Variants in EXT1 observed in about 807,000 individuals in gnomAD.
The protein encoded by EXT1 is exostosin-1.
EXT1 carries 20 observed loss-of-function variants against 82.5 expected under a neutral mutation model. The observed-to-expected ratio is 0.24, with a 90% CI of 0.17 to 0.35. EXT1 has a LOEUF of 0.35. Among genes scored for constraint, EXT1 ranks in the 10% least tolerant of loss-of-function variants. EXT1 has a pLI of 1.00. For synonymous variants in EXT1, 348 were observed against 350.8 expected, an observed-to-expected ratio of 0.99 and a Z score of 0.09; for missense variants, 757 against 936.5, an observed-to-expected ratio of 0.81 and a Z score of 2.50.
At chr8:117,926,101 A>G (rs1586288864) in intron 1 of EXT1, among the ~76,000 whole-genome samples, 1 of 152,220 alleles carries the variant, frequency 6.6e-6, no homozygotes, top group Non-Finnish European at 1.5e-5. Flanking sequence ...AGCCGCTAGC[A>G]TGGTGATGTG....
chr8:118,099,334 CT>C (rs1356136369), intron 1 of EXT1, among the ~76,000 whole-genome samples: 2 of 152,174 alleles, frequency 1.3e-5, no homozygotes, highest in Non-Finnish European at 2.9e-5. Context: ...ACCAGCTGTC[CT>C]TTCTTCCCAG....
chr8:117,878,685 G>C (rs116949074), intron 1 of EXT1, among the ~76,000 whole-genome samples: 23 of 152,332 alleles, frequency 1.5e-4, no homozygotes, highest in African/African-American at 5.5e-4. Flanking sequence ...AGAATATCCA[G>C]TGCTGTAAAT....
At chr8:117,887,814 G>A (rs1042592798) in intron 1 of EXT1, among the ~76,000 whole-genome samples, 1 of 151,112 alleles carries the variant, frequency 6.6e-6, no homozygotes, top group African/African-American at 2.4e-5. Context: ...GGCCTGGCAC[G>A]GTGACTCACG....
At chr8:118,045,485 C>A (rs17505534) in intron 1 of EXT1, among the ~76,000 whole-genome samples, 1 of 152,148 alleles carries the variant, frequency 6.6e-6, no homozygotes, top group Non-Finnish European at 1.5e-5. Context: ...CCCAAATGTG[C>A]AATCTGGGGC....
intron 1 of EXT1, among the ~76,000 whole-genome samples, chr8:117,884,561 T>C (rs1174111281): frequency 6.6e-6 from 1 of 152,142 alleles, no homozygotes; most frequent in Non-Finnish European, 1.5e-5. Flanking sequence ...ATCAAACACA[T>C]CCTGCTTCAA....
chr8:117,836,942 C>A (rs1183864437), intron 2 of EXT1, among the ~76,000 whole-genome samples, 166 bp downstream of exon 2: 1 of 152,170 alleles, frequency 6.6e-6, no homozygotes, highest in Non-Finnish European at 1.5e-5. Flanking sequence ...CCTCCCTCCA[C>A]CCCTCACTTG....
chr8:118,078,289 C>T (rs1221203102), intron 1 of EXT1, among the ~76,000 whole-genome samples: 2 of 152,242 alleles, frequency 1.3e-5, no homozygotes, highest in Non-Finnish European at 2.9e-5. Flanking sequence ...ACCTCCACCT[C>T]CTAGGTTCAA....
intron 1 of EXT1, among the ~76,000 whole-genome samples, chr8:117,886,689 A>C (rs749250263): frequency 2.0e-5 from 3 of 152,200 alleles, no homozygotes; most frequent in Non-Finnish European, 4.4e-5. Context: ...AATCCTGCAG[A>C]AACTCCTAGA....
intron 1 of EXT1, among the ~76,000 whole-genome samples, chr8:117,966,540 T>C (rs944100727): frequency 6.6e-6 from 1 of 152,196 alleles, no homozygotes; most frequent in Non-Finnish European, 1.5e-5. Flanking sequence ...GGTGTCAACT[T>C]TGGGGTTTCT....
chr8:117,917,242 G>C (rs1813769647), intron 1 of EXT1, among the ~76,000 whole-genome samples: 1 of 152,164 alleles, frequency 6.6e-6, no homozygotes, highest in Non-Finnish European at 1.5e-5. Context: ...GGGAGGCCGA[G>C]GCGGGCGGAT....
chr8:118,111,289 G>A lies in EXT1; in HGVS notation c.-243C>T. The A allele has an allele frequency of 9.5e-6, 6 of 629,398 alleles. No individual in the cohort carries two copies. The highest frequency in any genetic ancestry group is 1.7e-5 in the Non-Finnish European group (6 of 359,980). 39.0% of individuals were successfully genotyped at this position (629,398 alleles called of 1,614,324 possible). ...TGCACAATGCACGGGAGAGAGCGGG[G>A]CTGAATATCTCGCACCCAGGGCGGG... On this transcript the variant is annotated 5_prime_UTR_variant, in exon 1 of 11. Coordinates refer to ENST00000378204, the MANE Select transcript of EXT1 (RefSeq NM_000127.3).
At chr8:117,947,450 AG>A (rs1814411344) in intron 1 of EXT1, among the ~76,000 whole-genome samples, 1 of 152,206 alleles carries the variant, frequency 6.6e-6, no homozygotes, top group African/African-American at 2.4e-5. Context: ...TTATCGCTTA[AG>A]TGCTGGCACC....
chr8:117,980,251 C>T (rs777765433), intron 1 of EXT1, among the ~76,000 whole-genome samples: 7 of 152,124 alleles, frequency 4.6e-5, no homozygotes, highest in Non-Finnish European at 8.8e-5. Flanking sequence ...AAAGAAATGA[C>T]CTGAGAGTCA....
chr8:117,852,496 A>T (rs1309793791), intron 1 of EXT1, among the ~76,000 whole-genome samples: 1 of 152,284 alleles, frequency 6.6e-6, no homozygotes, highest in South Asian at 2.1e-4. Flanking sequence ...TGCTATATTT[A>T]TCTCAGCCAG....
Position 118,014,848 on chromosome 8 carries a change from C to T in EXT1, c.962+95237G>A, listed in dbSNP as rs13277893. The stretch of plus-strand genomic sequence containing the variant: ...CCCAAGAGTTACACAAGCAGACTCA[C>T]CTTCCCCAAAGTTAACATTAATATT... On this transcript the variant is annotated intron_variant, in intron 1 of 10. Coordinates refer to ENST00000378204, the MANE Select transcript of EXT1 (RefSeq NM_000127.3). Among the ~76,000 whole-genome samples, 596 of 152,192 alleles carry T rather than the reference C, an allele frequency of 3.9e-3. 2 individuals are homozygous for T. Among genetic ancestry groups the T allele is most frequent in the Non-Finnish European group, 5.6e-3 (381 of 68,006 alleles).
At chr8:117,832,974 T>C (rs1197958815) in intron 3 of EXT1, among the ~76,000 whole-genome samples, 1 of 152,158 alleles carries the variant, frequency 6.6e-6, no homozygotes, top group Non-Finnish European at 1.5e-5. Flanking sequence ...CCAGAATAGA[T>C]ACAAGAAAGT....
intron 1 of EXT1, among the ~76,000 whole-genome samples, chr8:117,916,609 A>G (rs1282458046): frequency 6.6e-6 from 1 of 152,230 alleles, no homozygotes; most frequent in East Asian, 1.9e-4. Flanking sequence ...ATTTCAGTTT[A>G]AAGTTTAACA....
rs539566198 is a variant in EXT1, at chr8:118,085,723, CA to C, written c.962+24361del. ...ATGTTACTCGTGTGTGTGACGGAGG[CA>C]AAAAAAAAAAGCAGTGTTTTTACTG... On this transcript the variant is annotated intron_variant, in intron 1 of 10. Transcript: ENST00000378204. Among the ~76,000 whole-genome samples the C allele has an allele frequency of 4.3e-3, 560 of 130,414 alleles. 1 individual carries two copies. The highest frequency in any genetic ancestry group is 8.9e-3 in the African/African-American group (316 of 35,598). 85.6% of individuals were successfully genotyped at this position (130,414 alleles called of 152,430 possible).
chr8:117,880,609 G>A (rs954438873), intron 1 of EXT1, among the ~76,000 whole-genome samples: 2 of 70,288 alleles, frequency 2.8e-5, no homozygotes, highest in African/African-American at 1.2e-4. Context: ...TTTTTTTTTT[G>A]AGACAGAGTG....
Sources: gnomAD v4.1 joint callset for allele counts (sites outside exome capture counted in the v4.1 genomes callset) on GRCh38, gnomAD v4.1.1 for gene constraint, MANE v1.5 for transcripts, NCBI Gene and HGNC (gene_info 2026-07-23, HGNC 2026-07-21) for gene names.